KSR2: variants seen among roughly 807,000 people sequenced by gnomAD.
KSR2 encodes kinase suppressor of ras 2.
In KSR2, 25 loss-of-function variants were observed where a neutral mutation model predicts 107.8. That is an observed-to-expected ratio of 0.23 (90% CI 0.17 to 0.32). KSR2 has a LOEUF of 0.32. KSR2 is among the 10% of genes least tolerant of loss of function. The pLI, the probability that KSR2 is intolerant of heterozygous loss-of-function variation, is 1.00. For synonymous variants in KSR2, 480 were observed against 507.0 expected, an observed-to-expected ratio of 0.95 and a Z score of 0.71; for missense variants, 887 against 1,268.9, an observed-to-expected ratio of 0.70 and a Z score of 4.57.
At chr12:117,862,768 C>T (rs1312581425) in intron 1 of KSR2, among the ~76,000 whole-genome samples, 12 of 143,042 alleles carry the variant, frequency 8.4e-5, no homozygotes, top group African/African-American at 2.3e-4. Flanking sequence ...CTCGCTCTGT[C>T]GCCCAGGCTG....
At chr12:117,889,572 T>A (rs1361415265) in intron 1 of KSR2, 1 of 152,038 alleles carries the variant, frequency 6.6e-6, no homozygotes, top group Non-Finnish European at 1.5e-5. Flanking sequence ...GGGGCCATAG[T>A]GTCAGCACAG....
chr12:117,733,309 T>C (rs753222087), intron 4 of KSR2, among the ~76,000 whole-genome samples: 2 of 152,164 alleles, frequency 1.3e-5, no homozygotes, highest in Non-Finnish European at 2.9e-5. Flanking sequence ...TTAATATTTT[T>C]CTTCCAAACC....
chr12:117,650,910 T>C (rs1883878254), intron 5 of KSR2, among the ~76,000 whole-genome samples: 1 of 152,164 alleles, frequency 6.6e-6, no homozygotes. Flanking sequence ...GCTGAAATTG[T>C]GGAAAAACAG....
chr12:117,564,164 G>GC (rs1328805984), intron 7 of KSR2, among the ~76,000 whole-genome samples: 1 of 152,194 alleles, frequency 6.6e-6, no homozygotes, highest in South Asian at 2.1e-4. Flanking sequence ...ACAACAGACT[G>GC]CCCCCAGTAA....
rs56169273 is a variant in KSR2, at chr12:117,637,675, G to GTTTTTTTTTTTTTTTTTTT, written c.1171+29780_1171+29798dup. Among the ~76,000 whole-genome samples, 7 of 92,110 alleles carry GTTTTTTTTTTTTTTTTTTT rather than the reference G, an allele frequency of 7.6e-5. 1 individual carries two copies. The highest frequency in any genetic ancestry group is 1.3e-4 in the African/African-American group (3 of 23,766). 60.4% of individuals were successfully genotyped at this position (92,110 alleles called of 152,430 possible). A position where few individuals can be genotyped will look rare whatever the true frequency, so the allele number is the denominator to read the frequency against. Reference sequence around the variant, plus strand: ...AATGGGACCCAGCAGTCAGTTTTGGGTTTTTTTTTTTTTTTTTTTTTTTTG... The same window carrying GTTTTTTTTTTTTTTTTTTT: ...AATGGGACCCAGCAGTCAGTTTTGGGTTTTTTTTTTTTTTTTTTTTTTTTTTTTTTTTTTTTTTTTTTTG... On this transcript the variant is annotated intron_variant, in intron 5 of 19. Transcript: ENST00000339824.
intron 3 of KSR2, among the ~76,000 whole-genome samples, chr12:117,828,157 G>C (rs1419310359): frequency 6.6e-6 from 1 of 152,158 alleles, no homozygotes; most frequent in East Asian, 1.9e-4. Context: ...TGTGCTACTT[G>C]TTCACCGCTG....
intron 19 of KSR2, 63 bp downstream of exon 19, chr12:117,469,598 TC>T: frequency 6.4e-7 from 1 of 1,573,754 alleles, no homozygotes; most frequent in South Asian, 1.2e-5. Flanking sequence ...GCAGAGGGGA[TC>T]AAAAAGGTGA....
chr12:117,800,739 C>A (rs1201692411), intron 3 of KSR2, among the ~76,000 whole-genome samples: 1 of 151,954 alleles, frequency 6.6e-6, no homozygotes, highest in African/African-American at 2.4e-5. Context: ...TCCTAATGCT[C>A]TCCCTCCCCT....
At chr12:117,602,187 A>C (rs1880994558) in intron 5 of KSR2, among the ~76,000 whole-genome samples, 1 of 152,236 alleles carries the variant, frequency 6.6e-6, no homozygotes. Context: ...TCTGTATAAA[A>C]ACAGGCAGTG....
intron 5 of KSR2, among the ~76,000 whole-genome samples, chr12:117,620,138 G>A (rs1882109381): frequency 6.6e-6 from 1 of 152,090 alleles, no homozygotes; most frequent in Non-Finnish European, 1.5e-5. Flanking sequence ...TGGAGAATTG[G>A]AGAGATTAAA....
At chr12:117,532,827 G>A (rs1002935012) in intron 10 of KSR2, among the ~76,000 whole-genome samples, 2 of 152,176 alleles carry the variant, frequency 1.3e-5, no homozygotes, top group Admixed American at 6.5e-5. Context: ...TTAAGTAAAT[G>A]AAGAGGGCAG....
At chr12:117,661,649 G>A (rs1267548795) in intron 5 of KSR2, among the ~76,000 whole-genome samples, 2 of 152,190 alleles carry the variant, frequency 1.3e-5, no homozygotes, top group Non-Finnish European at 2.9e-5. Context: ...GAGAGCTTGT[G>A]AAAACTCAGA....
chr12:117,719,871 A>G (rs1266029704), intron 4 of KSR2, among the ~76,000 whole-genome samples: 1 of 152,206 alleles, frequency 6.6e-6, no homozygotes, highest in Non-Finnish European at 1.5e-5. Context: ...TATTAGAACT[A>G]TAAGAGTCTT....
intron 1 of KSR2, among the ~76,000 whole-genome samples, chr12:117,877,941 G>T (rs183610910): frequency 1.6e-3 from 251 of 152,276 alleles, no homozygotes; most frequent in African/African-American, 6.0e-3. Context: ...ACCACTGCAT[G>T]GGGCTTTGCC....
At chr12:117,515,969 A>T (rs922312118) in intron 14 of KSR2, among the ~76,000 whole-genome samples, 2 of 152,204 alleles carry the variant, frequency 1.3e-5, no homozygotes, top group Non-Finnish European at 2.9e-5. Context: ...GGAGACAGAG[A>T]TGGGAGAAGC....
chr12:117,602,061 C>G (rs80215924), intron 5 of KSR2, among the ~76,000 whole-genome samples: 9,136 of 152,254 alleles, frequency 0.06, 797 homozygotes, highest in African/African-American at 0.19. Context: ...TCCAATAAAA[C>G]TGCATTTACG....
intron 4 of KSR2, among the ~76,000 whole-genome samples, chr12:117,760,106 C>CA (rs985751859): frequency 4.0e-5 from 6 of 151,078 alleles, no homozygotes; most frequent in South Asian, 2.1e-4. Flanking sequence ...GACTCCGTCT[C>CA]AAAAAAAAAG....
chr12:117,836,956 C>G (rs1426757427), intron 3 of KSR2, among the ~76,000 whole-genome samples: 1 of 152,222 alleles, frequency 6.6e-6, no homozygotes, highest in Non-Finnish European at 1.5e-5. Flanking sequence ...CTTTGCATCT[C>G]CACTAGTTAT....
intron 7 of KSR2, among the ~76,000 whole-genome samples, chr12:117,572,936 C>A (rs911208212): frequency 1.6e-4 from 25 of 152,202 alleles, no homozygotes; most frequent in African/African-American, 5.3e-4. Context: ...CCATCAGCAT[C>A]TTACTGCAAA....
Sources: allele counts gnomAD v4.1 joint callset (sites outside exome capture counted in the v4.1 genomes callset), GRCh38; gene constraint gnomAD v4.1.1; transcripts MANE v1.5; gene names NCBI Gene and HGNC (gene_info 2026-07-23, HGNC 2026-07-21).